The following ADGRG4 variants were observed in gnomAD, a reference collection of about 807,000 sequenced individuals.
ADGRG4 encodes adhesion G protein-coupled receptor G4.
Under a neutral mutation model 126.2 loss-of-function variants are expected in ADGRG4, and 122 were observed. The observed-to-expected ratio is 0.97, with a 90% confidence interval of 0.83 to 1.12. ADGRG4 has a LOEUF of 1.12. Ranked by LOEUF, ADGRG4 falls within the 50% of genes most tolerant of loss-of-function variation. The pLI is 0.00. For missense variants in ADGRG4, 2,481 were observed against 2,251.8 expected, an observed-to-expected ratio of 1.10 and a Z score of -2.06; for synonymous variants, 943 against 838.7, an observed-to-expected ratio of 1.12 and a Z score of -2.15.
chrX:136,333,798 T>A (rs1293904533), intron 5 of ADGRG4, among the ~76,000 whole-genome samples: 1 of 112,327 alleles, frequency 8.9e-6, no homozygotes, highest in East Asian at 2.8e-4. Flanking sequence ...GATTACAGCA[T>A]GAGCCACCAC....
In ADGRG4 at chrX:136,345,122, G is replaced by T. The variant is rs752921941; in HGVS notation, c.1416G>T (p.Val472=). 3 of 1,211,157 alleles carry T rather than the reference G, an allele frequency of 2.5e-6. No individual in the cohort carries two copies. The highest frequency in any genetic ancestry group is 2.2e-6 in the Non-Finnish European group (2 of 895,175). The change falls in exon 6 of 26, where the codon GTG becomes GTT. Residue 472 remains valine, a synonymous_variant. Transcript: ENST00000394143. ...GTASSFPPEP[V]LISTAAPVDS... ...CATCATCATTCCCACCTGAGCCTGT[G>T]CTCATCTCCACAGCTGCTCCAGTAG...
At chrX:136,410,332 G>A (rs1284934613) in intron 23 of ADGRG4, among the ~76,000 whole-genome samples, 1 of 110,783 alleles carries the variant, frequency 9.0e-6, no homozygotes, top group Non-Finnish European at 1.9e-5. Context: ...ACTTCTGTTT[G>A]TCATCTTCCT....
chrX:136,397,992 A>G lies in ADGRG4; in HGVS notation c.8296A>G (p.Ile2766Val). Residue 2766 changes from isoleucine to valine, a missense_variant, in exon 20 of 26, where the codon ATA (isoleucine) becomes GTA (valine). By Grantham distance (29) the Ile-to-Val change is conservative. Coordinates refer to ENST00000394143, the MANE Select transcript of ADGRG4 (RefSeq NM_153834.4). ...TCTGGGAGTTGCAGTGGTGACATAC[A>G]TAGCTTTTCAGTAAGTTGATACAGC... ...IFLGVAVVTY[I>V]AFHKLRKDYP... 3 of 1,208,213 alleles carry G rather than the reference A, an allele frequency of 2.5e-6. 1 individual carries two copies. In the Middle Eastern group the frequency reaches 6.9e-4, roughly 278 times the overall value.
chrX:136,406,356 T>A (rs1198155994), intron 23 of ADGRG4, among the ~76,000 whole-genome samples: 1 of 112,051 alleles, frequency 8.9e-6, no homozygotes, highest in Non-Finnish European at 1.9e-5. Context: ...GCATCTGATA[T>A]CCTAATATTT....
chrX:136,326,993 A>T (rs2074877457), intron 5 of ADGRG4, among the ~76,000 whole-genome samples: 1 of 111,140 alleles, frequency 9.0e-6, no homozygotes, highest in Admixed American at 9.7e-5. Context: ...ATAGTTGGAA[A>T]TGTCTTGGAA....
chrX:136,369,706 T>C (rs999719887), intron 13 of ADGRG4, among the ~76,000 whole-genome samples: 1 of 112,382 alleles, frequency 8.9e-6, no homozygotes, highest in East Asian at 2.8e-4. Context: ...TGCCTAGTCT[T>C]AATATTTTCT....
intron 15 of ADGRG4, among the ~76,000 whole-genome samples, chrX:136,384,337 A>G (rs1422349257): frequency 8.9e-6 from 1 of 111,904 alleles, no homozygotes; most frequent in Admixed American, 9.5e-5. Flanking sequence ...AGACGTGTCA[A>G]TTTATACCCC....
rs1005535623 is a variant in ADGRG4 at position 136,351,380 on chromosome X, C to G, written c.6728-67C>G. On this transcript the variant is annotated intron_variant, in intron 6 of 25. Transcript: ENST00000394143. ...CTTTAAAACAGAGAACACTTTTCAC[C>G]AAATTTACAGAAGTCAAATTTCTTG... is the stretch of plus-strand genomic sequence containing the variant. 4 of 636,852 alleles carry G rather than the reference C, an allele frequency of 6.3e-6. No homozygotes were observed. In the African/African-American group the frequency reaches 9.2e-5, roughly 15 times the overall value. The allele number at this position is 636,852 out of a possible 1,213,427, so 52.5% of individuals were successfully genotyped here. A position where few individuals can be genotyped will look rare whatever the true frequency, so the allele number is the denominator to read the frequency against.
At chrX:136,381,493 T>G (rs2075263783) in intron 15 of ADGRG4, among the ~76,000 whole-genome samples, 1 of 111,473 alleles carries the variant, frequency 9.0e-6, no homozygotes, top group Admixed American at 9.6e-5. Flanking sequence ...CCTCTCAAAG[T>G]GTTGGGATTG....
At chrX:136,359,543 G>C in intron 11 of ADGRG4, 88 bp downstream of exon 11, 1 of 714,078 alleles carries the variant, frequency 1.4e-6, no homozygotes, top group Non-Finnish European at 2.0e-6. Context: ...AGGATTCTGA[G>C]TTCAGAAAGG....
intron 23 of ADGRG4, among the ~76,000 whole-genome samples, chrX:136,406,849 G>A (rs1200579845): frequency 9.2e-6 from 1 of 109,201 alleles, no homozygotes; most frequent in Non-Finnish European, 1.9e-5. Flanking sequence ...CTGGGAGGCA[G>A]AGGTTGCAGT....
At chrX:136,311,868 T>A (rs1348521757) in intron 4 of ADGRG4, among the ~76,000 whole-genome samples, 1 of 110,979 alleles carries the variant, frequency 9.0e-6, no homozygotes. Context: ...TTTTATTTTT[T>A]AAATTGTAAA....
In ADGRG4 at chrX:136,387,812, A is replaced by T. The variant is rs1448272945; in HGVS notation, c.7849A>T (p.Ile2617Phe). Reference protein sequence around the residue: ...IYLPKSLTERIPLSNLQTILF... With the variant: ...IYLPKSLTERFPLSNLQTILF... ...TTTGCCTAAATCACTGACGGAGAGA[A>T]TTCCTCTTAGCAACTTACAAACGAT... The change falls in exon 16 of 26, where the codon ATT becomes TTT. Residue 2617 changes from isoleucine (I) to phenylalanine (F), a missense_variant. By Grantham distance (21) the Ile-to-Phe change is conservative (BLOSUM62 0). Transcript: ENST00000394143. 5 of 1,204,997 alleles carry T rather than the reference A, an allele frequency of 4.1e-6. No individual in the cohort carries two copies. In the African/African-American group the frequency reaches 5.3e-5, roughly 13 times the overall value.
rs1180302052 is a variant in ADGRG4 at position 136,392,314 on chromosome X, A to C, written c.7994A>C (p.Asp2665Ala). Residue 2665 changes from aspartate to alanine, a missense_variant, in exon 17 of 26, where the codon GAC becomes GCC. By Grantham distance (126) the Asp-to-Ala change is moderately radical. Transcript: ENST00000394143. ...GATATGTTCATTCAAAACTTAGCTG[A>C]CCCAGTGGTTATCACTCTGCAGCAT... Reference protein sequence around the residue: ...SDDMFIQNLADPVVITLQHIG... With the variant: ...SDDMFIQNLAAPVVITLQHIG... 7 of 1,185,312 alleles carry C rather than the reference A, an allele frequency of 5.9e-6. No homozygotes were observed. The African/African-American group carries it at 1.2e-4, about 21-fold the overall frequency.
Position 136,349,215 on chromosome X carries a change from G to A in ADGRG4, c.5509G>A (p.Val1837Ile), listed in dbSNP as rs144720547. 6 of 1,204,480 alleles carry A rather than the reference G, an allele frequency of 5.0e-6. No individual in the cohort carries two copies. The African/African-American group carries it at 1.1e-4, about 21-fold the overall frequency. Residue 1837 changes from valine (V) to isoleucine (I), a missense_variant, in exon 6 of 26, where the codon GTT (valine) becomes ATT (isoleucine). Physicochemically the swap from Val to Ile is conservative, Grantham distance 29. Transcript: ENST00000394143. ...AACTCTACCCTCTTTGACATCATTT[G>A]TTTATTCACCTCATAGTACTGAAGC... Reference protein sequence around the residue: ...SATLPSLTSFVYSPHSTEAEI... With the variant: ...SATLPSLTSFIYSPHSTEAEI...
chrX:136,399,618 G>T (rs2075368809), intron 20 of ADGRG4, among the ~76,000 whole-genome samples: 1 of 109,488 alleles, frequency 9.1e-6, no homozygotes, highest in East Asian at 2.8e-4. Context: ...AAAAATAATA[G>T]CCTCTCTCAA....
chrX:136,375,530 C>T (rs1407917575), intron 15 of ADGRG4, among the ~76,000 whole-genome samples: 1 of 112,356 alleles, frequency 8.9e-6, no homozygotes, highest in African/African-American at 3.2e-5. Flanking sequence ...CTTTTCACCA[C>T]ATCCATGCCA....
rs147133268 is a variant in ADGRG4, at chrX:136,345,786, G to T, written c.2080G>T (p.Glu694Ter). The T allele has an allele frequency of 2.4e-5, 29 of 1,208,572 alleles. No individual in the cohort carries two copies. The highest frequency in any genetic ancestry group is 3.2e-5 in the Non-Finnish European group (29 of 894,134). ...ATTTCATGAGAATACTACTTATACA[G>T]AATATTTATCCGCAACTACCAATAT... The part of the protein sequence containing the change: ...SAFHENTTYT[E>*]YLSATTNITP... Residue 694 changes from glutamate to a stop codon, truncating the protein, a stop_gained, in exon 6 of 26, where the codon GAA becomes TAA. Transcript: ENST00000394143. LOFTEE classifies it high-confidence loss of function.
At chrX:136,396,908 C>T (rs1249745702) in intron 19 of ADGRG4, among the ~76,000 whole-genome samples, 1 of 109,335 alleles carries the variant, frequency 9.1e-6, no homozygotes, top group African/African-American at 3.3e-5. Context: ...CCTGCCTCAG[C>T]CTCCCCAGTA....
Sources: allele counts gnomAD v4.1 joint callset (sites outside exome capture counted in the v4.1 genomes callset), GRCh38; gene constraint gnomAD v4.1.1; transcripts MANE v1.5; gene names NCBI Gene and HGNC (gene_info 2026-07-23, HGNC 2026-07-21).